The following NSG2 variants were observed in gnomAD, a reference collection of about 807,000 sequenced individuals.
The protein encoded by NSG2 is neuronal vesicle trafficking associated 2.
In NSG2, 4 loss-of-function variants were observed where a neutral mutation model predicts 16.9. The ratio of observed to expected loss-of-function variants is 0.24; its 90% CI spans 0.12 to 0.54. NSG2 has a LOEUF of 0.54. NSG2 is among the 20% of genes least tolerant of loss of function. The pLI is 0.95. For synonymous variants in NSG2, 98 were observed against 88.7 expected (o/e 1.11, Z -0.59); for missense variants, 179 against 221.1 (o/e 0.81, Z 1.21).
At chr5:174,079,932 G>A (rs1208565607) in intron 3 of NSG2, among the ~76,000 whole-genome samples, 1 of 152,100 alleles carries the variant, frequency 6.6e-6, no homozygotes, top group East Asian at 1.9e-4. Context: ...TTTTATGATT[G>A]TGTTTTATAT....
intron 2 of NSG2, among the ~76,000 whole-genome samples, chr5:174,048,054 A>G (rs1172270673): frequency 6.6e-6 from 1 of 152,210 alleles, no homozygotes; most frequent in Non-Finnish European, 1.5e-5. Flanking sequence ...GAAAGTGCAG[A>G]GATTGTCAAT....
intron 3 of NSG2, among the ~76,000 whole-genome samples, chr5:174,083,487 G>T (rs1408870769): frequency 1.3e-5 from 2 of 152,200 alleles, no homozygotes. Context: ...ATAACAGAGT[G>T]GCAAGAGGTG....
chr5:174,063,885 G>A (rs1039652497), intron 2 of NSG2, among the ~76,000 whole-genome samples: 7 of 152,050 alleles, frequency 4.6e-5, no homozygotes, highest in Non-Finnish European at 8.8e-5. Flanking sequence ...TTGGAAAATT[G>A]GAGAAAAATA....
chr5:174,083,834 C>T lies in NSG2; in HGVS notation c.213+19519C>T, dbSNP rs145081681. On this transcript the variant is annotated intron_variant, in intron 3 of 4. Coordinates refer to ENST00000303177, the MANE Select transcript of NSG2 (RefSeq NM_015980.5). ...CTGCTGCATTTGTCTACTTCCTTGACCTGCATAAGTGCCCTGTGATGGGGA... is the reference window on the plus strand; with the variant it reads ...CTGCTGCATTTGTCTACTTCCTTGATCTGCATAAGTGCCCTGTGATGGGGA... Among the ~76,000 whole-genome samples the T allele has an allele frequency of 3.3e-3, 496 of 152,322 alleles. 3 individuals carry two copies. The highest frequency in any genetic ancestry group is 0.011 in the African/African-American group (476 of 41,570).
At position 174,104,209 on chromosome 5, in the gene NSG2, T is replaced by G. The variant is rs775099473; in HGVS notation, c.214-19T>G. The stretch of plus-strand genomic sequence containing the variant: ...GTGGGCAGACTGAGGCTGGATGACT[T>G]AATTTTGTATTCCTCCAGGTCACCA... On this transcript the variant is annotated intron_variant, in intron 3 of 4. Coordinates refer to ENST00000303177, the MANE Select transcript of NSG2 (RefSeq NM_015980.5). 9.4e-6 allele frequency: 15 copies of G among 1,592,282 alleles called. No homozygotes were observed. The South Asian group carries it at 1.5e-4, about 16-fold the overall frequency.
chr5:174,055,363 G>A lies in NSG2; in HGVS notation c.129+8479G>A, dbSNP rs557816524. Among the ~76,000 whole-genome samples the A allele has an allele frequency of 3.3e-5, 5 of 152,304 alleles. No homozygotes were observed. The East Asian group carries it at 7.7e-4, about 24-fold the overall frequency. ...AATCCCAGCACTTTGGGAAGCCGAG[G>A]TGGGCGGATCACGAGGTCAGGAGAT... On this transcript the variant is annotated intron_variant, in intron 2 of 4. Coordinates refer to ENST00000303177, the MANE Select transcript of NSG2 (RefSeq NM_015980.5).
chr5:174,104,150 TCTAGGCTCTGAAAG>T (rs1760941929), intron 3 of NSG2, 64 bp from the exon 4 acceptor site: 1 of 1,006,200 alleles, frequency 9.9e-7, no homozygotes, highest in African/African-American at 1.6e-5. Context: ...GCCTGCCAGT[TCTAGGCTCTGAAAG>T]CTGCATACGG....
intron 3 of NSG2, among the ~76,000 whole-genome samples, chr5:174,077,433 G>A (rs1760364793): frequency 6.6e-6 from 1 of 152,078 alleles, no homozygotes; most frequent in Non-Finnish European, 1.5e-5. Context: ...GGTCTCTCGA[G>A]CCTGTCTCTT....
intron 3 of NSG2, among the ~76,000 whole-genome samples, chr5:174,070,604 C>G (rs979378036): frequency 6.6e-6 from 1 of 152,170 alleles, no homozygotes; most frequent in African/African-American, 2.4e-5. Context: ...ATGGATAAAA[C>G]AAAACCTCTG....
intron 2 of NSG2, among the ~76,000 whole-genome samples, chr5:174,057,628 C>A (rs1040253533): frequency 6.6e-6 from 1 of 152,200 alleles, no homozygotes; most frequent in African/African-American, 2.4e-5. Context: ...TGCATACCTG[C>A]AAAGCCGTTT....
intron 2 of NSG2, among the ~76,000 whole-genome samples, chr5:174,062,340 G>A (rs558280418): frequency 2.0e-5 from 3 of 152,284 alleles, no homozygotes; most frequent in African/African-American, 7.2e-5. Context: ...GTAGAATTAA[G>A]TGAGGTAAGG....
At chr5:174,067,198 TA>T (rs1358780035) in intron 3 of NSG2, among the ~76,000 whole-genome samples, 3 of 152,224 alleles carry the variant, frequency 2.0e-5, no homozygotes, top group Non-Finnish European at 4.4e-5. Flanking sequence ...TAGGGCTATA[TA>T]TTTTTTTTGT....
chr5:174,103,115 C>G (rs1760927025), intron 3 of NSG2, among the ~76,000 whole-genome samples: 2 of 151,758 alleles, frequency 1.3e-5, no homozygotes, highest in Non-Finnish European at 2.9e-5. Context: ...TTTTACAAAG[C>G]TCTCTCTGGT....
At chr5:174,077,135 C>A (rs747672263) in intron 3 of NSG2, among the ~76,000 whole-genome samples, 2 of 152,112 alleles carry the variant, frequency 1.3e-5, no homozygotes, top group Non-Finnish European at 2.9e-5. Flanking sequence ...CTAAACAGAC[C>A]CAATATGATT....
At chr5:174,074,597 A>G (rs1474378855) in intron 3 of NSG2, among the ~76,000 whole-genome samples, 1 of 152,070 alleles carries the variant, frequency 6.6e-6, no homozygotes, top group Non-Finnish European at 1.5e-5. Flanking sequence ...AATCTGCGAT[A>G]TCTCCCTGCT....
At chr5:174,065,439 C>G (rs959484863) in intron 3 of NSG2, among the ~76,000 whole-genome samples, 2 of 152,018 alleles carry the variant, frequency 1.3e-5, no homozygotes, top group Admixed American at 6.6e-5. Context: ...GCATTGAAGG[C>G]TGTATGAAGG....
intron 2 of NSG2, among the ~76,000 whole-genome samples, chr5:174,048,675 G>A (rs1759838272): frequency 6.6e-6 from 1 of 152,146 alleles, no homozygotes; most frequent in South Asian, 2.1e-4. Flanking sequence ...CATGCCTGCA[G>A]GTCATCTAGA....
chr5:174,056,960 A>C (rs2113425289), intron 2 of NSG2, among the ~76,000 whole-genome samples: 1 of 152,350 alleles, frequency 6.6e-6, no homozygotes, highest in African/African-American at 2.4e-5. Flanking sequence ...TCCTTTAGGG[A>C]TGAATAATTT....
At chr5:174,090,250 C>T (rs1193299948) in intron 3 of NSG2, among the ~76,000 whole-genome samples, 1 of 152,158 alleles carries the variant, frequency 6.6e-6, no homozygotes, top group Non-Finnish European at 1.5e-5. Flanking sequence ...AAAAAAAGAG[C>T]ATGAGGCAAC....
Sources: gnomAD v4.1 joint callset for allele counts (sites outside exome capture counted in the v4.1 genomes callset) on GRCh38, gnomAD v4.1.1 for gene constraint, MANE v1.5 for transcripts, NCBI Gene and HGNC (gene_info 2026-07-23, HGNC 2026-07-21) for gene names.